The following ATP9A variants were observed in gnomAD, a reference collection of about 807,000 sequenced individuals.
ATP9A encodes ATPase phospholipid transporting 9A.
ATP9A carries 52 observed loss-of-function variants against 144.1 expected under a neutral mutation model. The observed-to-expected ratio is 0.36, with a 90% confidence interval of 0.29 to 0.45. The LOEUF (loss-of-function observed/expected upper bound fraction) is 0.45, where lower values mean the gene tolerates loss of function less well. Among genes scored for constraint, ATP9A ranks in the 20% least tolerant of loss-of-function variants. The pLI is 1.00. For synonymous variants in ATP9A, 582 were observed against 557.4 expected (o/e 1.04, Z -0.62); for missense variants, 947 against 1,392.7 (o/e 0.68, Z 5.09).
chr20:51,663,502 T>C (rs1195764813), intron 13 of ATP9A, among the ~76,000 whole-genome samples: 1 of 152,118 alleles, frequency 6.6e-6, no homozygotes, highest in Non-Finnish European at 1.5e-5. Context: ...AAAAAATTCT[T>C]CCTCAAGAGA....
intron 22 of ATP9A, 33 bp from the exon 23 acceptor site, chr20:51,613,865 G>A (rs771590617): frequency 6.3e-7 from 1 of 1,589,402 alleles, no homozygotes; most frequent in South Asian, 1.1e-5. Context: ...ACCATCAGAA[G>A]CACAAGAGGT....
chr20:51,768,162 T>A, intron 1 of ATP9A, 140 bp downstream of exon 1: 1 of 375,280 alleles, frequency 2.7e-6, no homozygotes, highest in East Asian at 5.9e-5. Context: ...CCTCCCCACC[T>A]CCCCGCCTCC....
intron 2 of ATP9A, among the ~76,000 whole-genome samples, chr20:51,728,575 C>T (rs139905297): frequency 0.015 from 2,237 of 148,496 alleles, 59 homozygotes; most frequent in African/African-American, 0.053. Flanking sequence ...TTGCAGTGAG[C>T]CAAGATGGCT....
At chr20:51,706,103 T>A (rs2077613678) in intron 4 of ATP9A, among the ~76,000 whole-genome samples, 1 of 152,240 alleles carries the variant, frequency 6.6e-6, no homozygotes, top group Non-Finnish European at 1.5e-5. Context: ...GAGGCTAGAT[T>A]GATAGGTTTC....
At chr20:51,690,706 T>A in intron 8 of ATP9A, 33 bp downstream of exon 8, 1 of 1,561,622 alleles carries the variant, frequency 6.4e-7, no homozygotes, top group Non-Finnish European at 8.8e-7. Flanking sequence ...ACACTCCCGG[T>A]GACAGGATCC....
intron 3 of ATP9A, among the ~76,000 whole-genome samples, chr20:51,717,673 T>G (rs989498224): frequency 4.6e-5 from 7 of 152,072 alleles, no homozygotes; most frequent in African/African-American, 1.2e-4. Flanking sequence ...AAAGTCATAA[T>G]TGCCGAGTGT....
chr20:51,763,685 G>A (rs2077892209), intron 1 of ATP9A, among the ~76,000 whole-genome samples: 1 of 152,166 alleles, frequency 6.6e-6, no homozygotes, highest in African/African-American at 2.4e-5. Context: ...CATTGTGGTA[G>A]ACAACATATC....
chr20:51,758,799 C>T (rs2077867047), intron 1 of ATP9A, among the ~76,000 whole-genome samples: 2 of 152,186 alleles, frequency 1.3e-5, no homozygotes, highest in Admixed American at 1.3e-4. Flanking sequence ...GTGGCCTGCA[C>T]CTGTAATCCC....
At chr20:51,602,850 T>C (rs1184614742) in intron 27 of ATP9A, among the ~76,000 whole-genome samples, 1 of 152,212 alleles carries the variant, frequency 6.6e-6, no homozygotes, top group Non-Finnish European at 1.5e-5. Flanking sequence ...ATGTCACAGG[T>C]ATACTGTGTA....
chr20:51,625,511 T>A (rs547307519), intron 17 of ATP9A, 149 bp from the exon 18 acceptor site: 4 of 852,534 alleles, frequency 4.7e-6, no homozygotes, highest in East Asian at 5.4e-5. Flanking sequence ...AGGGGTGACA[T>A]AGGCTTCCAG....
intron 1 of ATP9A, among the ~76,000 whole-genome samples, chr20:51,752,867 C>A (rs1031338463): frequency 7.2e-5 from 11 of 152,144 alleles, no homozygotes; most frequent in Non-Finnish European, 1.6e-4. Flanking sequence ...GTTTGGGAGG[C>A]CAAGGTGGGT....
chr20:51,733,436 C>A (rs1027504523), intron 1 of ATP9A, among the ~76,000 whole-genome samples: 1 of 151,876 alleles, frequency 6.6e-6, no homozygotes, highest in African/African-American at 2.4e-5. Context: ...AGCAGTGGCA[C>A]GATCTCCACT....
chr20:51,606,497 G>A (rs1220603799), intron 26 of ATP9A, among the ~76,000 whole-genome samples: 1 of 152,196 alleles, frequency 6.6e-6, no homozygotes, highest in African/African-American at 2.4e-5. Flanking sequence ...AGGAGTTTGA[G>A]ATCAGCCTGC....
At chr20:51,638,409 A>T (rs78892572) in intron 15 of ATP9A, among the ~76,000 whole-genome samples, 2,368 of 152,120 alleles carry the variant, frequency 0.016, 28 homozygotes, top group Middle Eastern at 0.088. Flanking sequence ...ACCCCACTCC[A>T]ACATAGGTGT....
At chr20:51,663,807 A>AG (rs1463060896) in intron 13 of ATP9A, among the ~76,000 whole-genome samples, 1 of 151,732 alleles carries the variant, frequency 6.6e-6, no homozygotes, top group Non-Finnish European at 1.5e-5. Flanking sequence ...AAAAAAAAAA[A>AG]AAAAACAAGA....
intron 1 of ATP9A, among the ~76,000 whole-genome samples, chr20:51,755,438 T>TA (rs879859381): frequency 1.5e-4 from 21 of 143,706 alleles, no homozygotes; most frequent in African/African-American, 1.8e-4. Flanking sequence ...CCATCTCAAT[T>TA]AAAAAAAAAA....
chr20:51,628,291 T>C (rs1043085515), intron 16 of ATP9A, among the ~76,000 whole-genome samples: 1 of 152,150 alleles, frequency 6.6e-6, no homozygotes, highest in African/African-American at 2.4e-5. Flanking sequence ...ACTGCCTCCC[T>C]CCTGCTGCTG....
chr20:51,710,578 A>G (rs1379377814), intron 4 of ATP9A, among the ~76,000 whole-genome samples: 3 of 152,188 alleles, frequency 2.0e-5, no homozygotes, highest in Non-Finnish European at 4.4e-5. Context: ...CCAAGCTGAC[A>G]GTTTCTTCAG....
chr20:51,748,974 A>ACAGACAG (rs2077820247), intron 1 of ATP9A, among the ~76,000 whole-genome samples: 1 of 62,082 alleles, frequency 1.6e-5, no homozygotes. Flanking sequence ...CAGACAGACA[A>ACAGACAG]ATAAAATGGA....
Sources: allele counts gnomAD v4.1 joint callset (sites outside exome capture counted in the v4.1 genomes callset), GRCh38; gene constraint gnomAD v4.1.1; transcripts MANE v1.5; gene names NCBI Gene and HGNC (gene_info 2026-07-23, HGNC 2026-07-21).